LPAR6: variants seen among roughly 807,000 people sequenced by gnomAD.
LPAR6 encodes the protein lysophosphatidic acid receptor 6.
Under a neutral mutation model 22.0 loss-of-function variants are expected in LPAR6, and 17 were observed. The ratio of observed to expected loss-of-function variants is 0.77; its 90% CI spans 0.53 to 1.16. LPAR6 has a LOEUF of 1.16. Ranked by LOEUF, LPAR6 falls within the 50% of genes most tolerant of loss-of-function variation. The pLI, the probability that LPAR6 is intolerant of heterozygous loss-of-function variation, is 0.00. For missense variants in LPAR6, 384 were observed against 406.9 expected (o/e 0.94, Z 0.48); for synonymous variants, 136 against 139.8 (o/e 0.97, Z 0.19).
chr13:48,401,288 G>T (rs1054566728), intron 1 of LPAR6: 2 of 152,080 alleles, frequency 1.3e-5, no homozygotes, highest in Non-Finnish European at 2.9e-5. Flanking sequence ...TTTTCAGTTT[G>T]TAAACTTACA....
chr13:48,422,284 G>A (rs947604905), intron 2 of LPAR6, among the ~76,000 whole-genome samples: 1 of 152,044 alleles, frequency 6.6e-6, no homozygotes, highest in Non-Finnish European at 1.5e-5. Context: ...ACCAAACACC[G>A]CATGTTCTCA....
downstream of LPAR6, among the ~76,000 whole-genome samples, chr13:48,409,981 T>C (rs1948778899): frequency 6.6e-6 from 1 of 152,200 alleles, no homozygotes; most frequent in Admixed American, 6.5e-5. Flanking sequence ...ATTTTATGTT[T>C]AGTGAAATGA....
At chr13:48,418,349 C>T (rs1948949631) in intron 2 of LPAR6, among the ~76,000 whole-genome samples, 2 of 152,146 alleles carry the variant, frequency 1.3e-5, no homozygotes, top group South Asian at 4.2e-4. Context: ...TTTGTCACCA[C>T]CAGGCCTGCA....
rs747234197 is a variant in LPAR6, at chr13:48,411,529, G to A, written c.895C>T (p.Gln299Ter). Residue 299 changes from glutamine to a stop codon, truncating the protein, a stop_gained, in exon 1 of 1, where the codon CAG becomes TAG. Transcript: ENST00000620633. LOFTEE classifies it high-confidence loss of function. ...IVYYFTSDTIQNSIKMKNWSV... is the reference protein window; with the variant it reads ...IVYYFTSDTI ...CAGTTTTTCATTTTTATTGAATTCTGAATTGTGTCCGATGTAAAGTAGTAA... is the reference window on the plus strand; with the variant it reads ...CAGTTTTTCATTTTTATTGAATTCTAAATTGTGTCCGATGTAAAGTAGTAA... 1.9e-6 allele frequency: 3 copies of A among 1,613,374 alleles called. No homozygotes were observed. The highest frequency in any genetic ancestry group is 2.5e-6 in the Non-Finnish European group (3 of 1,179,700).
At chr13:48,398,417 T>C (rs546602218) in intron 1 of LPAR6, among the ~76,000 whole-genome samples, 186 of 152,236 alleles carry the variant, frequency 1.2e-3, no homozygotes, top group African/African-American at 4.3e-3. Context: ...CAACTTTGCT[T>C]CCCACTATGT....
chr13:48,400,865 G>A (rs1037372554), intron 1 of LPAR6, among the ~76,000 whole-genome samples: 6 of 152,056 alleles, frequency 3.9e-5, no homozygotes, highest in Non-Finnish European at 5.9e-5. Context: ...ACAGAGAACC[G>A]AGGATTCAGT....
At position 48,412,649 on chromosome 13, in the gene LPAR6, T is replaced by G. The variant is rs764194948; in HGVS notation, c.-226A>C. The G allele has an allele frequency of 2.1e-5, 12 of 572,960 alleles. No homozygotes were observed. The highest frequency in any genetic ancestry group is 3.8e-5 in the Non-Finnish European group (12 of 313,358). 35.5% of individuals were successfully genotyped at this position (572,960 alleles called of 1,614,324 possible). A position where few individuals can be genotyped will look rare whatever the true frequency, so the allele number is the denominator to read the frequency against. On this transcript the variant is annotated 5_prime_UTR_variant, in exon 1 of 1. Transcript: ENST00000620633. ...TTCAACAGGAAAATATTTTCATTTG[T>G]TAGTCTTTAGAAAATCCATGAATTC...
chr13:48,410,449 A>G (rs1948783526), downstream of LPAR6, among the ~76,000 whole-genome samples: 1 of 152,208 alleles, frequency 6.6e-6, no homozygotes, highest in African/African-American at 2.4e-5. Context: ...TTTGCACGAC[A>G]TAATTACCTA....
At chr13:48,390,339 A>G (rs961040312) in intron 1 of LPAR6, among the ~76,000 whole-genome samples, 54 of 152,144 alleles carry the variant, frequency 3.5e-4, no homozygotes, top group Non-Finnish European at 5.9e-4. Context: ...TCACCTTAGA[A>G]TTTCTGGAGA....
At chr13:48,432,203 A>C (rs1949136974) in intron 1 of LPAR6, among the ~76,000 whole-genome samples, 1 of 152,146 alleles carries the variant, frequency 6.6e-6, no homozygotes. Context: ...TGGTTGTCTC[A>C]GGGAATTAAC....
Sources: allele counts gnomAD v4.1 joint callset (sites outside exome capture counted in the v4.1 genomes callset), GRCh38; gene constraint gnomAD v4.1.1; transcripts MANE v1.5; gene names NCBI Gene and HGNC (gene_info 2026-07-23, HGNC 2026-07-21).